LRRIQ3: variants seen among roughly 807,000 people sequenced by gnomAD.
LRRIQ3 encodes the protein leucine rich repeats and IQ motif containing 3, also known as leucine-rich repeat and IQ domain-containing protein 3.
A neutral mutation model predicts 59.3 loss-of-function variants in LRRIQ3; 75 were observed. The ratio of observed to expected loss-of-function variants is 1.26; its 90% CI spans 1.05 to 1.53. The LOEUF (loss-of-function observed/expected upper bound fraction) is 1.53, where lower values mean the gene tolerates loss of function less well. Among genes scored for constraint, LRRIQ3 ranks in the 40% most tolerant of loss-of-function variants. LRRIQ3 has a pLI of 0.00. For missense variants in LRRIQ3, 831 were observed against 710.0 expected (o/e 1.17, Z -1.94); for synonymous variants, 250 against 231.3 (o/e 1.08, Z -0.73).
chr1:74,105,775 ATAG>A (rs1477624551), intron 5 of LRRIQ3, among the ~76,000 whole-genome samples: 5 of 152,042 alleles, frequency 3.3e-5, no homozygotes, highest in African/African-American at 1.2e-4. Context: ...TAGCATGTAT[ATAG>A]TTCCATGAGT....
intron 2 of LRRIQ3, chr1:74,183,155 C>T (rs1404667987): frequency 6.3e-6 from 2 of 316,240 alleles, no homozygotes; most frequent in African/African-American, 4.3e-5. Context: ...AAAATACTTT[C>T]CTTACCTAAG....
intron 3 of LRRIQ3, among the ~76,000 whole-genome samples, chr1:74,157,432 A>C (rs561966596): frequency 6.6e-6 from 1 of 152,254 alleles, no homozygotes; most frequent in African/African-American, 2.4e-5. Flanking sequence ...CTGTTCATAT[A>C]TAAAGATGAT....
At chr1:74,067,816 G>A (rs1411054756) in intron 6 of LRRIQ3, among the ~76,000 whole-genome samples, 1 of 152,034 alleles carries the variant, frequency 6.6e-6, no homozygotes, top group Non-Finnish European at 1.5e-5. Context: ...TAAAAGACTT[G>A]TTAAATTTAT....
chr1:74,150,755 G>A (rs1049726359), intron 4 of LRRIQ3, among the ~76,000 whole-genome samples: 4 of 151,954 alleles, frequency 2.6e-5, no homozygotes, highest in African/African-American at 9.7e-5. Context: ...CACTATACCT[G>A]ATTCTTTTAT....
At chr1:74,194,275 A>T (rs1005099805) in intron 1 of LRRIQ3, among the ~76,000 whole-genome samples, 1 of 152,188 alleles carries the variant, frequency 6.6e-6, no homozygotes, top group African/African-American at 2.4e-5. Flanking sequence ...CAGAAAAAAT[A>T]TATTTTAAAA....
At chr1:74,038,943 C>T (rs1468694322) in intron 7 of LRRIQ3, among the ~76,000 whole-genome samples, 2 of 152,136 alleles carry the variant, frequency 1.3e-5, no homozygotes, top group Admixed American at 6.6e-5. Context: ...AATGCCTCTC[C>T]AGCAAGGGTG....
intron 3 of LRRIQ3, 84 bp from the exon 4 acceptor site, chr1:74,155,950 T>C (rs1403695289): frequency 1.4e-5 from 11 of 804,024 alleles, no homozygotes; most frequent in African/African-American, 1.8e-5. Flanking sequence ...AATCTATTGG[T>C]TTAAATAAAC....
At chr1:74,145,412 A>G (rs1647509514) in intron 4 of LRRIQ3, among the ~76,000 whole-genome samples, 1 of 152,032 alleles carries the variant, frequency 6.6e-6, no homozygotes, top group East Asian at 1.9e-4. Context: ...GTCTTCCTGA[A>G]TTTTTCGTGA....
At chr1:74,028,884 G>A (rs1468142116) in intron 7 of LRRIQ3, among the ~76,000 whole-genome samples, 1 of 151,914 alleles carries the variant, frequency 6.6e-6, no homozygotes, top group Non-Finnish European at 1.5e-5. Flanking sequence ...GAGTAGTCAG[G>A]TCTGGACGTG....
At chr1:74,094,919 A>G (rs11210407) in intron 5 of LRRIQ3, 49,081 of 151,962 alleles carry the variant, frequency 0.32, 8,424 homozygotes, top group Middle Eastern at 0.45. Flanking sequence ...AGTCATTCCA[A>G]TCTTATTCTA....
At chr1:74,128,199 T>C (rs908997555) in intron 4 of LRRIQ3, among the ~76,000 whole-genome samples, 3 of 152,084 alleles carry the variant, frequency 2.0e-5, no homozygotes, top group Admixed American at 1.3e-4. Flanking sequence ...GAGGTTGGCT[T>C]CTTTGGGTTA....
intron 4 of LRRIQ3, among the ~76,000 whole-genome samples, chr1:74,133,185 T>G (rs1431169650): frequency 6.6e-6 from 1 of 152,062 alleles, no homozygotes; most frequent in Non-Finnish European, 1.5e-5. Flanking sequence ...CCAGTTAGAA[T>G]GGCAATCATT....
rs1465534813 is a variant in LRRIQ3, at chr1:74,182,675, T to C, written c.436A>G (p.Asn146Asp). The C allele has an allele frequency of 1.9e-6, 3 of 1,612,464 alleles. No individual in the cohort carries two copies. Among genetic ancestry groups the C allele is most frequent in the Non-Finnish European group, 8.5e-7 (1 of 1,178,962 alleles). Reference protein sequence around the residue: ...LKKGYRHVLVNSIWPLKALDH... With the variant: ...LKKGYRHVLVDSIWPLKALDH... ...AGCGCTTTGAGAGGCCATATACTGTTAACAAGAACATGTCTATATCCTTTT... is the reference window on the plus strand; with the variant it reads ...AGCGCTTTGAGAGGCCATATACTGTCAACAAGAACATGTCTATATCCTTTT... Residue 146 changes from asparagine to aspartate, a missense_variant, in exon 3 of 8, where the codon AAC (asparagine) becomes GAC (aspartate). Asn to Asp is a conservative substitution (Grantham distance 23). Coordinates refer to ENST00000354431, the MANE Select transcript of LRRIQ3 (RefSeq NM_001105659.2).
intron 4 of LRRIQ3, among the ~76,000 whole-genome samples, chr1:74,138,168 A>AAAAAAAC (rs1647159679): frequency 6.6e-6 from 1 of 151,832 alleles, no homozygotes; most frequent in South Asian, 2.1e-4. Flanking sequence ...ACAAACAAAA[A>AAAAAAAC]AAAAAAACAA....
chr1:74,140,340 G>C (rs1460447118), intron 4 of LRRIQ3, among the ~76,000 whole-genome samples: 1 of 151,672 alleles, frequency 6.6e-6, no homozygotes, highest in Non-Finnish European at 1.5e-5. Context: ...ATTTCATAAA[G>C]ATAAAAGGTT....
At chr1:74,132,731 T>C (rs1303261656) in intron 4 of LRRIQ3, among the ~76,000 whole-genome samples, 1 of 152,188 alleles carries the variant, frequency 6.6e-6, no homozygotes, top group Admixed American at 6.5e-5. Context: ...GATTAAAGAC[T>C]TAAATGTTAG....
At position 74,069,290 on chromosome 1, in the gene LRRIQ3, C is replaced by T. The variant is rs113998185; in HGVS notation, c.997+5371G>A. On this transcript the variant is annotated intron_variant, in intron 6 of 7. Coordinates refer to ENST00000354431, the MANE Select transcript of LRRIQ3 (RefSeq NM_001105659.2). ...ACTTATTATAAAGGGTTAAAAATCA[C>T]TAACAGAACACACACTTTTAAGGTT... Among the ~76,000 whole-genome samples, 970 of 152,102 alleles carry T rather than the reference C, an allele frequency of 6.4e-3. 15 individuals are homozygous for T. The highest frequency in any genetic ancestry group is 0.022 in the African/African-American group (934 of 41,524).
intron 3 of LRRIQ3, chr1:74,181,160 T>A (rs1015268154): frequency 1.4e-5 from 3 of 209,704 alleles, no homozygotes; most frequent in African/African-American, 7.0e-5. Flanking sequence ...ATTCACTGAA[T>A]ATGTGTCTGT....
chr1:74,196,002 AT>A (rs566984037), intron 1 of LRRIQ3, among the ~76,000 whole-genome samples: 79 of 150,200 alleles, frequency 5.3e-4, no homozygotes, highest in African/African-American at 1.1e-3. Context: ...GTATTTTTTA[AT>A]TTTTTTTTTA....
Sources: allele counts gnomAD v4.1 joint callset (sites outside exome capture counted in the v4.1 genomes callset), GRCh38; gene constraint gnomAD v4.1.1; transcripts MANE v1.5; gene names NCBI Gene and HGNC (gene_info 2026-07-23, HGNC 2026-07-21).